AK9: variants seen among roughly 807,000 people sequenced by gnomAD.
AK9 encodes adenylate kinase domain containing 1.
Under a neutral mutation model 239.6 loss-of-function variants are expected in AK9, and 191 were observed. The observed-to-expected ratio is 0.80, with a 90% CI of 0.71 to 0.90. AK9 has a LOEUF of 0.90. Among genes scored for constraint, AK9 ranks in the 40% least tolerant of loss-of-function variants. The pLI is 0.00. For missense variants in AK9, 1,995 were observed against 2,214.7 expected (o/e 0.90, Z 1.99); for synonymous variants, 689 against 721.0 (o/e 0.96, Z 0.71).
In AK9 at chr6:109,531,072, A is replaced by G. The variant is rs146681000; in HGVS notation, c.3571-1999T>C. ...AAAAGAAAAGAAAAGAAAAGAAACT[A>G]CCAGATACGGGATTGCCAAAGCATA... On this transcript the variant is annotated intron_variant, in intron 28 of 40. Transcript: ENST00000424296. Among the ~76,000 whole-genome samples the G allele has an allele frequency of 1.1e-3, 174 of 152,240 alleles. 1 individual carries two copies. Among genetic ancestry groups the G allele is most frequent in the African/African-American group, 4.0e-3 (166 of 41,562 alleles).
intron 38 of AK9, 113 bp downstream of exon 38, chr6:109,497,352 A>ACT (rs1393785707): frequency 3.6e-5 from 23 of 636,356 alleles, no homozygotes; most frequent in East Asian, 3.1e-4. Context: ...ACACACACAC[A>ACT]CACACACACA....
At chr6:109,651,327 A>T (rs1307782812) in intron 8 of AK9, among the ~76,000 whole-genome samples, 1 of 152,222 alleles carries the variant, frequency 6.6e-6, no homozygotes, top group Non-Finnish European at 1.5e-5. Flanking sequence ...TACTGGGTAC[A>T]TAACGAAATG....
chr6:109,646,181 C>T (rs1225022720), intron 8 of AK9, among the ~76,000 whole-genome samples: 1 of 152,190 alleles, frequency 6.6e-6, no homozygotes, highest in African/African-American at 2.4e-5. Flanking sequence ...CAGAGTGCCT[C>T]TAATCCTCCA....
chr6:109,564,361 T>C, intron 22 of AK9, 81 bp from the exon 23 acceptor site: 1 of 1,085,768 alleles, frequency 9.2e-7, no homozygotes, highest in Non-Finnish European at 1.3e-6. Flanking sequence ...TAGCTTATAC[T>C]TTGCAATTTT....
intron 24 of AK9, among the ~76,000 whole-genome samples, chr6:109,563,000 T>C (rs1367163009): frequency 6.6e-6 from 1 of 152,210 alleles, no homozygotes; most frequent in Non-Finnish European, 1.5e-5. Context: ...GATAAAGTAC[T>C]AAAAGCTGTT....
chr6:109,555,695 A>G (rs1784926265), intron 24 of AK9, among the ~76,000 whole-genome samples: 1 of 152,184 alleles, frequency 6.6e-6, no homozygotes, highest in Non-Finnish European at 1.5e-5. Flanking sequence ...CTGCTCTTGT[A>G]TTGGGTGCAT....
At position 109,493,968 on chromosome 6, in the gene AK9, A is replaced by T. The variant is rs1776782027; in HGVS notation, c.5533+13T>A. On this transcript the variant is annotated intron_variant, in intron 40 of 40. Coordinates refer to ENST00000424296, the MANE Select transcript of AK9 (RefSeq NM_001145128.3). Reference sequence around the variant, plus strand: ...AATTTGTTCTGAGTAGTAAATAATTAAAAAAGACATACCTTTGAGATGAAG... The same window carrying T: ...AATTTGTTCTGAGTAGTAAATAATTTAAAAAGACATACCTTTGAGATGAAG... 1.9e-6 allele frequency: 3 copies of T among 1,558,118 alleles called. No individual in the cohort carries two copies. Among genetic ancestry groups the T allele is most frequent in the South Asian group, 1.1e-5 (1 of 87,214 alleles).
At chr6:109,529,509 A>G (rs1004811352) in intron 28 of AK9, among the ~76,000 whole-genome samples, 1 of 152,152 alleles carries the variant, frequency 6.6e-6, no homozygotes, top group Non-Finnish European at 1.5e-5. Flanking sequence ...TTTTCCATGG[A>G]CCGAAGATGG....
chr6:109,638,289 CTGT>C (rs1213830475), intron 10 of AK9, among the ~76,000 whole-genome samples: 1 of 152,150 alleles, frequency 6.6e-6, no homozygotes. Context: ...TTCCCAGCCT[CTGT>C]TCTGACCAAG....
intron 25 of AK9, among the ~76,000 whole-genome samples, chr6:109,547,670 G>T (rs1014893277): frequency 3.3e-5 from 5 of 151,888 alleles, no homozygotes; most frequent in African/African-American, 1.2e-4. Context: ...AAAAACACAG[G>T]CAATAAAAGC....
intron 8 of AK9, among the ~76,000 whole-genome samples, chr6:109,653,298 C>T (rs1482263381): frequency 1.3e-5 from 2 of 152,132 alleles, no homozygotes; most frequent in African/African-American, 4.8e-5. Context: ...AATTCAAAGC[C>T]CTAACCCGCA....
Position 109,659,413 on chromosome 6 carries a change from A to T in AK9, c.445T>A (p.Cys149Ser). 6.3e-7 allele frequency: 1 copy of T among 1,590,252 alleles called. No homozygotes were observed. ...LKPDVIINIK[C>S]PDYDLCQRIS... ...CTCTGGCACAAATCATAGTCAGGAC[A>T]CTAAGAAACAACATTATTAAATCAC... is the stretch of plus-strand genomic sequence containing the variant. The change falls in exon 7 of 41, where the codon TGT (cysteine) becomes AGT (serine). Residue 149 changes from cysteine to serine, a missense_variant and splice_region_variant. By Grantham distance (112) the Cys-to-Ser change is moderately radical. Coordinates refer to ENST00000424296, the MANE Select transcript of AK9 (RefSeq NM_001145128.3).
At chr6:109,584,695 C>T (rs1391786768) in intron 19 of AK9, among the ~76,000 whole-genome samples, 1 of 152,060 alleles carries the variant, frequency 6.6e-6, no homozygotes, top group Non-Finnish European at 1.5e-5. Flanking sequence ...TTAGCCTGGT[C>T]TTTCCATGTG....
chr6:109,580,899 T>C (rs1788761936), intron 19 of AK9, among the ~76,000 whole-genome samples: 1 of 105,300 alleles, frequency 9.5e-6, no homozygotes, highest in South Asian at 5.7e-4. Flanking sequence ...TTTACAGATA[T>C]CGTGGTTTTT....
intron 29 of AK9, among the ~76,000 whole-genome samples, chr6:109,521,540 T>G (rs1487104027): frequency 2.0e-5 from 3 of 152,110 alleles, no homozygotes; most frequent in African/African-American, 7.2e-5. Context: ...ACTACATTTA[T>G]GTCCCTGTCC....
intron 1 of AK9, among the ~76,000 whole-genome samples, chr6:109,685,809 A>G (rs1157649404): frequency 6.6e-6 from 1 of 152,238 alleles, no homozygotes; most frequent in African/African-American, 2.4e-5. Flanking sequence ...AAGATAACCA[A>G]GAGTAAATCA....
intron 1 of AK9, chr6:109,690,384 C>A (rs1005415331): frequency 6.6e-6 from 1 of 152,224 alleles, no homozygotes; most frequent in Non-Finnish European, 1.5e-5. Context: ...GTCTGGGGGT[C>A]CCCGCAGGAG....
chr6:109,527,475 G>A (rs970345821), intron 29 of AK9, among the ~76,000 whole-genome samples: 12 of 152,218 alleles, frequency 7.9e-5, no homozygotes, highest in South Asian at 4.1e-4. Flanking sequence ...ATGTGGAGTC[G>A]GGATGGATGC....
rs1786154749 is a variant in AK9, at chr6:109,564,075, C to G, written c.2635+5G>C. 6 of 1,548,172 alleles carry G rather than the reference C, an allele frequency of 3.9e-6. No homozygotes were observed. The East Asian group carries it at 7.3e-5, about 19-fold the overall frequency. On this transcript the variant is annotated splice_donor_5th_base_variant and intron_variant, in intron 23 of 40. Coordinates refer to ENST00000424296, the MANE Select transcript of AK9 (RefSeq NM_001145128.3). ...GATAATAAATGTTATGATTAAAGCC[C>G]TTACTTTCCATAGTCTCAACTACTT...
Sources: gnomAD v4.1 joint callset for allele counts (sites outside exome capture counted in the v4.1 genomes callset) on GRCh38, gnomAD v4.1.1 for gene constraint, MANE v1.5 for transcripts, NCBI Gene and HGNC (gene_info 2026-07-23, HGNC 2026-07-21) for gene names.